Variants in SNX29 observed in about 807,000 individuals in gnomAD.
The protein encoded by SNX29 is sorting nexin-29.
Under a neutral mutation model 102.1 loss-of-function variants are expected in SNX29, and 78 were observed. That is an observed-to-expected ratio of 0.76 (90% CI 0.64 to 0.92). SNX29 has a LOEUF of 0.92. Ranked by LOEUF, SNX29 falls within the 40% of genes least tolerant of loss-of-function variation. The probability of loss-of-function intolerance (pLI) is 0.00; values close to 1 mark genes in which losing one functional copy is unlikely to be tolerated. For synonymous variants in SNX29, 580 were observed against 414.5 expected (o/e 1.40, Z -4.85); for missense variants, 1,280 against 1,061.7 (o/e 1.21, Z -2.86).
intron 18 of SNX29, among the ~76,000 whole-genome samples, chr16:12,426,769 G>A (rs1168039603): frequency 8.5e-5 from 13 of 152,274 alleles, no homozygotes; most frequent in East Asian, 3.9e-4. Flanking sequence ...GGGTTCAAGC[G>A]ATTCTTGTGC....
At chr16:12,140,516 C>T (rs868194785) in intron 13 of SNX29, among the ~76,000 whole-genome samples, 7 of 152,350 alleles carry the variant, frequency 4.6e-5, no homozygotes, top group Middle Eastern at 6.8e-3. Flanking sequence ...GGATGTTCCT[C>T]CCATCAGATT....
chr16:12,554,053 T>G (rs947987296), intron 20 of SNX29, among the ~76,000 whole-genome samples: 2 of 152,356 alleles, frequency 1.3e-5, no homozygotes, highest in Middle Eastern at 3.4e-3. Context: ...CTGTAAATCC[T>G]GACCTCAAAT....
chr16:12,525,032 T>A (rs1486018554), intron 20 of SNX29, among the ~76,000 whole-genome samples, 191 bp downstream of exon 20: 1 of 151,972 alleles, frequency 6.6e-6, no homozygotes, highest in Non-Finnish European at 1.5e-5. Flanking sequence ...TCTAAAGGGA[T>A]GGGAAGAGAG....
chr16:12,001,768 A>AGTGCTTTG (rs975293419), intron 2 of SNX29, among the ~76,000 whole-genome samples: 1 of 152,168 alleles, frequency 6.6e-6, no homozygotes, highest in African/African-American at 2.4e-5. Flanking sequence ...CTGTAATCCC[A>AGTGCTTTG]GTGCTTTGAG....
intron 20 of SNX29, chr16:12,526,414 C>A: frequency 2.5e-6 from 1 of 392,690 alleles, no homozygotes; most frequent in Non-Finnish European, 4.9e-6. Flanking sequence ...CTTAGATTTT[C>A]TAATTGTTCC....
intron 16 of SNX29, among the ~76,000 whole-genome samples, chr16:12,379,453 C>G (rs765679400): frequency 1.3e-5 from 2 of 152,194 alleles, no homozygotes; most frequent in Non-Finnish European, 2.9e-5. Context: ...GAAATTGAAG[C>G]TCAGAGCAGG....
intron 16 of SNX29, among the ~76,000 whole-genome samples, chr16:12,362,917 A>G (rs2082349184): frequency 6.6e-6 from 1 of 152,158 alleles, no homozygotes; most frequent in Non-Finnish European, 1.5e-5. Context: ...TGTTCAGTAA[A>G]TGTGGGTCAA....
At chr16:12,020,824 A>T (rs1251144882) in intron 3 of SNX29, among the ~76,000 whole-genome samples, 1 of 149,864 alleles carries the variant, frequency 6.7e-6, no homozygotes. Flanking sequence ...GGGTTTTGCC[A>T]TGTTGGCCAG....
intron 15 of SNX29, among the ~76,000 whole-genome samples, chr16:12,297,895 C>T (rs149922302): frequency 1.4e-4 from 21 of 152,266 alleles, no homozygotes; most frequent in Non-Finnish European, 1.5e-4. Flanking sequence ...ATGGGCCAGG[C>T]GCTGTGGCTC....
At chr16:12,077,808 A>G (rs1318281764) in intron 10 of SNX29, among the ~76,000 whole-genome samples, 1 of 151,826 alleles carries the variant, frequency 6.6e-6, no homozygotes, top group African/African-American at 2.4e-5. Flanking sequence ...TTTAGTAGAG[A>G]AGGGGTTTTG....
intron 19 of SNX29, among the ~76,000 whole-genome samples, chr16:12,519,423 G>A (rs1399912160): frequency 3.9e-5 from 6 of 152,146 alleles, no homozygotes; most frequent in African/African-American, 7.2e-5. Context: ...AAACTCAAAC[G>A]TTTAAACACA....
At chr16:12,324,763 C>G (rs368784189) in intron 15 of SNX29, among the ~76,000 whole-genome samples, 20 of 152,094 alleles carry the variant, frequency 1.3e-4, no homozygotes, top group Non-Finnish European at 2.2e-4. Context: ...CAGCTCAGAG[C>G]TGACAAACGG....
intron 13 of SNX29, among the ~76,000 whole-genome samples, chr16:12,152,476 T>A (rs76941925): frequency 6.6e-6 from 1 of 152,138 alleles, no homozygotes; most frequent in Non-Finnish European, 1.5e-5. Context: ...GGGCTTTGCA[T>A]TGGGGTCTTT....
intron 16 of SNX29, among the ~76,000 whole-genome samples, chr16:12,361,914 C>A (rs989841982): frequency 6.6e-6 from 1 of 152,018 alleles, no homozygotes; most frequent in African/African-American, 2.4e-5. Flanking sequence ...GTTTCTCTTT[C>A]TAGGTATGAG....
At chr16:12,564,667 T>C (rs554225543) in intron 20 of SNX29, among the ~76,000 whole-genome samples, 1 of 152,284 alleles carries the variant, frequency 6.6e-6, no homozygotes, top group East Asian at 1.9e-4. Flanking sequence ...GAACATATCT[T>C]GTCCACACAT....
At chr16:12,163,433 A>G (rs1383381626) in intron 13 of SNX29, among the ~76,000 whole-genome samples, 4 of 152,098 alleles carry the variant, frequency 2.6e-5, no homozygotes, top group African/African-American at 7.2e-5. Flanking sequence ...GGGTGACTGG[A>G]GAGGAGCTCA....
chr16:12,104,480 C>T (rs544799834), intron 11 of SNX29, among the ~76,000 whole-genome samples: 12 of 152,070 alleles, frequency 7.9e-5, no homozygotes, highest in African/African-American at 2.7e-4. Flanking sequence ...CTCTTGAACC[C>T]GGGAGGCAGA....
At chr16:12,430,626 C>T (rs566711288) in intron 18 of SNX29, among the ~76,000 whole-genome samples, 9 of 152,326 alleles carry the variant, frequency 5.9e-5, no homozygotes, top group African/African-American at 2.2e-4. Context: ...AGTGTTATTA[C>T]TTGTAAAGCA....
chr16:12,163,446 T>C (rs1336634510), intron 13 of SNX29, among the ~76,000 whole-genome samples: 8 of 152,112 alleles, frequency 5.3e-5, no homozygotes, highest in Non-Finnish European at 1.2e-4. Flanking sequence ...GGAGCTCAAG[T>C]GGACAGAGGC....
Sources: allele counts gnomAD v4.1 joint callset (sites outside exome capture counted in the v4.1 genomes callset), GRCh38; gene constraint gnomAD v4.1.1; transcripts MANE v1.5; gene names NCBI Gene and HGNC (gene_info 2026-07-23, HGNC 2026-07-21).